The following GPC5 variants were observed in gnomAD, a reference collection of about 807,000 sequenced individuals.
GPC5 encodes glypican-5.
In GPC5, 47 loss-of-function variants were observed where a neutral mutation model predicts 53.9. The observed-to-expected ratio is 0.87, with a 90% CI of 0.69 to 1.11. The LOEUF is 1.11. Ranked by LOEUF, GPC5 falls within the 50% of genes most tolerant of loss-of-function variation. GPC5 has a pLI of 0.00. For missense variants in GPC5, 748 were observed against 713.1 expected, an observed-to-expected ratio of 1.05 and a Z score of -0.56; for synonymous variants, 286 against 263.3, an observed-to-expected ratio of 1.09 and a Z score of -0.84.
chr13:92,537,828 T>C (rs565080246), intron 7 of GPC5, among the ~76,000 whole-genome samples: 1 of 152,184 alleles, frequency 6.6e-6, no homozygotes, highest in African/African-American at 2.4e-5. Flanking sequence ...GTTTTATAAA[T>C]CCAATCAATT....
chr13:92,396,704 T>G (rs1375131689), intron 7 of GPC5, among the ~76,000 whole-genome samples: 1 of 152,158 alleles, frequency 6.6e-6, no homozygotes, highest in Admixed American at 6.5e-5. Flanking sequence ...TTGCACTGTG[T>G]TGTTATCTTG....
chr13:91,697,844 T>A (rs1324887042), intron 3 of GPC5, among the ~76,000 whole-genome samples: 1 of 151,930 alleles, frequency 6.6e-6, no homozygotes, highest in Non-Finnish European at 1.5e-5. Flanking sequence ...AGAACAAATG[T>A]TACCAGGAAA....
intron 7 of GPC5, among the ~76,000 whole-genome samples, chr13:92,450,674 C>G (rs1439842273): frequency 1.3e-5 from 2 of 152,180 alleles, no homozygotes; most frequent in Non-Finnish European, 2.9e-5. Flanking sequence ...ACATGTAACA[C>G]TGAACACTTG....
At chr13:92,531,208 T>C (rs1881552884) in intron 7 of GPC5, among the ~76,000 whole-genome samples, 1 of 152,136 alleles carries the variant, frequency 6.6e-6, no homozygotes, top group Non-Finnish European at 1.5e-5. Flanking sequence ...CCATCCATAA[T>C]CTCACTGATC....
At chr13:92,740,132 C>T (rs751613799) in intron 7 of GPC5, among the ~76,000 whole-genome samples, 2 of 152,032 alleles carry the variant, frequency 1.3e-5, no homozygotes, top group Non-Finnish European at 2.9e-5. Context: ...CTCCTCCCTT[C>T]TCGGGGCATT....
chr13:92,495,602 T>TATC (rs1320949789), intron 7 of GPC5, among the ~76,000 whole-genome samples: 1 of 149,458 alleles, frequency 6.7e-6, no homozygotes, highest in Non-Finnish European at 1.5e-5. Flanking sequence ...ACAACAGGCC[T>TATC]ATCATTACAA....
At position 91,858,502 on chromosome 13, in the gene GPC5, C is replaced by G. The variant is rs554373106; in HGVS notation, c.1281-49435C>G. 1.8e-4 allele frequency among the ~76,000 whole-genome samples: 27 copies of G among 152,076 alleles called. 1 individual carries two copies. Among genetic ancestry groups the G allele is most frequent in the African/African-American group, 6.0e-4 (25 of 41,556 alleles). On this transcript the variant is annotated intron_variant, in intron 5 of 7. Transcript: ENST00000377067. ...GCATATGTTTAACTATCCTTGCATC[C>G]TTGGGATAAATCCCACTTGGTCATG...
chr13:92,651,493 A>G (rs1412578754), intron 7 of GPC5, among the ~76,000 whole-genome samples: 2 of 152,250 alleles, frequency 1.3e-5, no homozygotes, highest in East Asian at 3.9e-4. Flanking sequence ...TCTCAGAACT[A>G]TCACGGTCAT....
intron 7 of GPC5, among the ~76,000 whole-genome samples, chr13:92,698,883 T>C (rs553329447): frequency 1.3e-5 from 2 of 152,168 alleles, no homozygotes; most frequent in African/African-American, 4.8e-5. Context: ...TAGTATCTCA[T>C]TGTGGTTTTG....
chr13:91,519,208 C>A (rs563096177), intron 2 of GPC5, among the ~76,000 whole-genome samples: 1 of 152,028 alleles, frequency 6.6e-6, no homozygotes, highest in Non-Finnish European at 1.5e-5. Flanking sequence ...AATCACTGTA[C>A]CTTATGCCTC....
At chr13:92,693,063 G>C (rs1002799523) in intron 7 of GPC5, among the ~76,000 whole-genome samples, 1 of 152,014 alleles carries the variant, frequency 6.6e-6, no homozygotes, top group African/African-American at 2.4e-5. Flanking sequence ...TCTCTGTCCT[G>C]CTGTCATGTA....
At chr13:92,471,758 T>C (rs1337486646) in intron 7 of GPC5, among the ~76,000 whole-genome samples, 3 of 152,124 alleles carry the variant, frequency 2.0e-5, no homozygotes, top group African/African-American at 4.8e-5. Context: ...ATTCAAAAAA[T>C]CACTTTTGTG....
At chr13:91,439,203 G>C (rs1053523243) in intron 1 of GPC5, among the ~76,000 whole-genome samples, 1 of 152,218 alleles carries the variant, frequency 6.6e-6, no homozygotes, top group Non-Finnish European at 1.5e-5. Context: ...CCAAGGGGGG[G>C]ACATTTAGCA....
chr13:92,060,743 A>G (rs1566417839), intron 6 of GPC5, among the ~76,000 whole-genome samples: 1 of 150,878 alleles, frequency 6.6e-6, no homozygotes, highest in Non-Finnish European at 1.5e-5. Flanking sequence ...AATTACATAC[A>G]ATGCTTGTCA....
Position 91,572,137 on chromosome 13 carries a change from ATATG to A in GPC5, c.326-121046_326-121043del, listed in dbSNP as rs1205784266. Among the ~76,000 whole-genome samples the A allele has an allele frequency of 3.5e-5, 5 of 141,578 alleles. 1 individual carries two copies. The highest frequency in any genetic ancestry group is 1.4e-4 in the African/African-American group (5 of 36,060). 92.9% of individuals were successfully genotyped at this position (141,578 alleles called of 152,430 possible). A position where few individuals can be genotyped will look rare whatever the true frequency, so the allele number is the denominator to read the frequency against. On this transcript the variant is annotated intron_variant, in intron 2 of 7. Coordinates refer to ENST00000377067, the MANE Select transcript of GPC5 (RefSeq NM_004466.6). Reference sequence around the variant, plus strand: ...TGTATATATACGTGTGTATATACACATATGTATATATACGTGTGTATACACACAC... The same window carrying A: ...TGTATATATACGTGTGTATATACACATATATATACGTGTGTATACACACAC...
chr13:92,557,812 T>C (rs995065247), intron 7 of GPC5, among the ~76,000 whole-genome samples: 2 of 151,924 alleles, frequency 1.3e-5, no homozygotes, highest in Non-Finnish European at 2.9e-5. Flanking sequence ...GCACTTAGGC[T>C]TACCTGGATT....
At chr13:92,861,781 T>C (rs1343020713) in intron 7 of GPC5, among the ~76,000 whole-genome samples, 1 of 152,174 alleles carries the variant, frequency 6.6e-6, no homozygotes, top group East Asian at 1.9e-4. Flanking sequence ...TACTCAACTG[T>C]ATATAAATAA....
At chr13:92,026,272 A>G (rs186173403) in intron 6 of GPC5, among the ~76,000 whole-genome samples, 8 of 152,092 alleles carry the variant, frequency 5.3e-5, no homozygotes, top group Admixed American at 3.9e-4. Flanking sequence ...TTACATAAAT[A>G]TTTCTATATT....
intron 4 of GPC5, among the ~76,000 whole-genome samples, chr13:91,755,901 G>T (rs1385689092): frequency 6.6e-6 from 1 of 151,944 alleles, no homozygotes; most frequent in Non-Finnish European, 1.5e-5. Flanking sequence ...TACTCTCGTG[G>T]TGGCTTAGAT....
Sources: allele counts gnomAD v4.1 joint callset (sites outside exome capture counted in the v4.1 genomes callset), GRCh38; gene constraint gnomAD v4.1.1; transcripts MANE v1.5; gene names NCBI Gene and HGNC (gene_info 2026-07-23, HGNC 2026-07-21).